DEPTOR: variants seen among roughly 807,000 people sequenced by gnomAD.
The protein encoded by DEPTOR is DEP domain-containing mTOR-interacting protein.
A neutral mutation model predicts 41.6 loss-of-function variants in DEPTOR; 41 were observed. That is an observed-to-expected ratio of 0.98 (90% confidence interval 0.77 to 1.28). The LOEUF is 1.28. Ranked by LOEUF, DEPTOR falls within the 50% of genes most tolerant of loss-of-function variation. The probability of loss-of-function intolerance (pLI) is 0.00; values close to 1 mark genes in which losing one functional copy is unlikely to be tolerated. For synonymous variants in DEPTOR, 195 were observed against 192.3 expected (o/e 1.01, Z -0.12); for missense variants, 514 against 527.9 (o/e 0.97, Z 0.26).
chr8:119,952,008 G>A (rs552984893), intron 3 of DEPTOR, among the ~76,000 whole-genome samples: 6 of 152,086 alleles, frequency 3.9e-5, no homozygotes, highest in Non-Finnish European at 7.4e-5. Flanking sequence ...GGAGGCACAC[G>A]CCTGTAATCC....
chr8:119,910,295 G>T lies in DEPTOR; in HGVS notation c.123-18105G>T, dbSNP rs1827720180. Among the ~76,000 whole-genome samples the T allele has an allele frequency of 2.8e-5, 4 of 144,426 alleles. 1 individual carries two copies. The South Asian group carries it at 8.8e-4, about 32-fold the overall frequency. The allele number at this position is 144,426 out of a possible 152,430, so 94.7% of individuals were successfully genotyped here. Reference sequence around the variant, plus strand: ...GATTACCAGAAGGTGCTTTTCACTGGCTGTGTCTAACAGACATAGAAAAGA... The same window carrying T: ...GATTACCAGAAGGTGCTTTTCACTGTCTGTGTCTAACAGACATAGAAAAGA... On this transcript the variant is annotated intron_variant, in intron 1 of 8. Transcript: ENST00000286234.
chr8:119,880,131 G>A (rs1408474206), intron 1 of DEPTOR, among the ~76,000 whole-genome samples: 4 of 141,538 alleles, frequency 2.8e-5, no homozygotes, highest in Non-Finnish European at 4.6e-5. Context: ...GACAGAGCGG[G>A]ACTCCGTCTC....
At chr8:119,907,399 A>T (rs1368373116) in intron 1 of DEPTOR, among the ~76,000 whole-genome samples, 1 of 152,204 alleles carries the variant, frequency 6.6e-6, no homozygotes, top group East Asian at 1.9e-4. Flanking sequence ...ATAATATTTT[A>T]TGTTTAGTTA....
At chr8:120,042,344 A>G (rs943556693) in intron 8 of DEPTOR, among the ~76,000 whole-genome samples, 1 of 152,154 alleles carries the variant, frequency 6.6e-6, no homozygotes, top group African/African-American at 2.4e-5. Flanking sequence ...ATAGTGTACC[A>G]TAGATGTTAA....
intron 8 of DEPTOR, among the ~76,000 whole-genome samples, chr8:120,028,442 A>G (rs1351764730): frequency 2.1e-5 from 3 of 144,464 alleles, no homozygotes; most frequent in African/African-American, 7.7e-5. Flanking sequence ...GCAAAGAAAC[A>G]GCTCCAAATC....
At chr8:119,963,406 A>G (rs773017017) in intron 3 of DEPTOR, among the ~76,000 whole-genome samples, 4 of 151,498 alleles carry the variant, frequency 2.6e-5, no homozygotes, top group Admixed American at 6.6e-5. Context: ...GCTGGAGTGC[A>G]GTGGTGTGAA....
Position 119,904,317 on chromosome 8 carries a change from C to T in DEPTOR, c.123-24083C>T, listed in dbSNP as rs1055746582. Among the ~76,000 whole-genome samples, 7 of 151,852 alleles carry T rather than the reference C, an allele frequency of 4.6e-5. No homozygotes were observed. In the East Asian group the frequency reaches 9.7e-4, roughly 21 times the overall value. ...TATTTTTAGTAGAGACAGGGTTTCA[C>T]CTTGTGGGTCAGGCTGGCCTCCAAC... On this transcript the variant is annotated intron_variant, in intron 1 of 8. Coordinates refer to ENST00000286234, the MANE Select transcript of DEPTOR (RefSeq NM_022783.4).
intron 3 of DEPTOR, among the ~76,000 whole-genome samples, chr8:119,942,889 G>A (rs577847468): frequency 6.6e-6 from 1 of 152,310 alleles, no homozygotes; most frequent in Admixed American, 6.5e-5. Context: ...TGCAGGATAT[G>A]CTAGGTTTCT....
Position 119,983,633 on chromosome 8 carries a change from C to T in DEPTOR, c.605-17892C>T, listed in dbSNP as rs148801646. Among the ~76,000 whole-genome samples the T allele has an allele frequency of 1.3e-3, 202 of 152,308 alleles. 1 individual carries two copies. The highest frequency in any genetic ancestry group is 4.7e-3 in the African/African-American group (197 of 41,578). The stretch of plus-strand genomic sequence containing the variant: ...TCCTGACCTCAAGTAATCCGCTTGC[C>T]TTGGCCTCCCAAAGTTCTGGGATTA... On this transcript the variant is annotated intron_variant, in intron 4 of 8. Coordinates refer to ENST00000286234, the MANE Select transcript of DEPTOR (RefSeq NM_022783.4).
At chr8:120,006,768 GA>G in intron 6 of DEPTOR, 36 bp from the exon 7 acceptor site, 3 of 1,596,692 alleles carry the variant, frequency 1.9e-6, no homozygotes, top group Non-Finnish European at 2.6e-6. Flanking sequence ...AGAGGACTTG[GA>G]AGTGCTTATG....
intron 4 of DEPTOR, among the ~76,000 whole-genome samples, chr8:119,994,149 G>A (rs1237737585): frequency 2.9e-4 from 43 of 148,816 alleles, no homozygotes; most frequent in Non-Finnish European, 4.5e-5. Context: ...AAAAAAAAAA[G>A]AAAAAGAAAA....
chr8:119,931,755 T>G (rs2129861043), intron 3 of DEPTOR, among the ~76,000 whole-genome samples: 1 of 152,302 alleles, frequency 6.6e-6, no homozygotes, highest in East Asian at 1.9e-4. Context: ...ATTTGTTTAC[T>G]TGAACATGTG....
At chr8:119,905,038 C>T (rs567981607) in intron 1 of DEPTOR, among the ~76,000 whole-genome samples, 3 of 130,624 alleles carry the variant, frequency 2.3e-5, no homozygotes, top group East Asian at 4.4e-4. Context: ...TAACTTTTGT[C>T]CTCAAGCAGT....
At chr8:119,961,701 G>C (rs577909809) in intron 3 of DEPTOR, among the ~76,000 whole-genome samples, 1 of 152,138 alleles carries the variant, frequency 6.6e-6, no homozygotes, top group East Asian at 1.9e-4. Context: ...CATTTGAATG[G>C]GAACTACATT....
chr8:119,994,054 G>T (rs1356278508), intron 4 of DEPTOR, among the ~76,000 whole-genome samples: 1 of 151,810 alleles, frequency 6.6e-6, no homozygotes, highest in East Asian at 1.9e-4. Context: ...TACTCGGGAG[G>T]CTGACGCAGG....
Position 120,049,956 on chromosome 8 carries a change from A to C in DEPTOR, c.*252A>C. The stretch of plus-strand genomic sequence containing the variant: ...CTACATGATAGAACTGCCTTACTAG[A>C]TTTCTATTTGTAGCTCTCATTCATT... On this transcript the variant is annotated 3_prime_UTR_variant, in exon 9 of 9. Transcript: ENST00000286234. The C allele has an allele frequency of 3.3e-6, 1 of 307,350 alleles. No individual in the cohort carries two copies. 19.0% of individuals were successfully genotyped at this position (307,350 alleles called of 1,614,324 possible).
At chr8:119,909,930 A>G (rs1311694244) in intron 1 of DEPTOR, among the ~76,000 whole-genome samples, 1 of 152,260 alleles carries the variant, frequency 6.6e-6, no homozygotes, top group African/African-American at 2.4e-5. Flanking sequence ...TATCAGATAC[A>G]TAGAACACTG....
chr8:120,049,822 C>G lies in DEPTOR; in HGVS notation c.*118C>G, dbSNP rs935254855. On this transcript the variant is annotated 3_prime_UTR_variant, in exon 9 of 9. Coordinates refer to ENST00000286234, the MANE Select transcript of DEPTOR (RefSeq NM_022783.4). ...ATGGTTTTGGACATACGAGTCTTCTCCGCACATACATGTCTAAAGTTGAGT... is the reference window on the plus strand; with the variant it reads ...ATGGTTTTGGACATACGAGTCTTCTGCGCACATACATGTCTAAAGTTGAGT... 3.1e-6 allele frequency: 4 copies of G among 1,309,798 alleles called. No individual in the cohort carries two copies. In the African/African-American group the frequency reaches 5.9e-5, roughly 19 times the overall value. 81.1% of individuals were successfully genotyped at this position (1,309,798 alleles called of 1,614,324 possible).
intron 1 of DEPTOR, among the ~76,000 whole-genome samples, chr8:119,918,584 C>T (rs1156779003): frequency 6.6e-6 from 1 of 152,098 alleles, no homozygotes; most frequent in Non-Finnish European, 1.5e-5. Context: ...CCTCAGCCTC[C>T]CGAGTAGCTG....
Sources: allele counts gnomAD v4.1 joint callset (sites outside exome capture counted in the v4.1 genomes callset), GRCh38; gene constraint gnomAD v4.1.1; transcripts MANE v1.5; gene names NCBI Gene and HGNC (gene_info 2026-07-23, HGNC 2026-07-21).